Variants in MBD5 observed in about 807,000 individuals in gnomAD.
MBD5 encodes methyl-CpG-binding domain protein 5.
Under a neutral mutation model 117.3 loss-of-function variants are expected in MBD5, and 13 were observed. The ratio of observed to expected loss-of-function variants is 0.11; its 90% confidence interval spans 0.07 to 0.18. MBD5 has a LOEUF of 0.18. Ranked by LOEUF, MBD5 falls within the 10% of genes least tolerant of loss-of-function variation. The pLI is 1.00. For missense variants in MBD5, 1,879 were observed against 2,093.8 expected, an observed-to-expected ratio of 0.90 and a Z score of 2.00; for synonymous variants, 727 against 766.4, an observed-to-expected ratio of 0.95 and a Z score of 0.85.
intron 8 of MBD5, among the ~76,000 whole-genome samples, chr2:148,477,713 A>G (rs1303892623): frequency 6.6e-6 from 1 of 152,194 alleles, no homozygotes; most frequent in Non-Finnish European, 1.5e-5. Flanking sequence ...TCTCTTATCT[A>G]CATGCATCCA....
At chr2:148,174,839 A>C (rs960828332) in intron 1 of MBD5, among the ~76,000 whole-genome samples, 1 of 152,136 alleles carries the variant, frequency 6.6e-6, no homozygotes, top group Non-Finnish European at 1.5e-5. Context: ...GAAAAGGAAA[A>C]CTTTGTACAC....
intron 2 of MBD5, among the ~76,000 whole-genome samples, chr2:148,185,269 A>G (rs900347750): frequency 6.6e-6 from 1 of 151,772 alleles, no homozygotes; most frequent in Non-Finnish European, 1.5e-5. Context: ...TTTTCACCCC[A>G]CTTTCTTCCC....
intron 4 of MBD5, among the ~76,000 whole-genome samples, chr2:148,355,513 C>T (rs959073376): frequency 6.6e-6 from 1 of 152,088 alleles, no homozygotes; most frequent in Non-Finnish European, 1.5e-5. Flanking sequence ...AGCCAGTTTT[C>T]CCAACAGCAT....
chr2:148,037,279 A>C (rs1205869646), intron 1 of MBD5, among the ~76,000 whole-genome samples: 3 of 151,940 alleles, frequency 2.0e-5, no homozygotes, highest in African/African-American at 4.8e-5. Flanking sequence ...TTTCATATGA[A>C]ATAATGCTTA....
At chr2:148,478,091 A>G (rs572966093) in intron 8 of MBD5, among the ~76,000 whole-genome samples, 235 of 152,322 alleles carry the variant, frequency 1.5e-3, no homozygotes, top group Non-Finnish European at 2.2e-3. Context: ...ATGACCAGGA[A>G]GAAGAGAAAC....
intron 1 of MBD5, among the ~76,000 whole-genome samples, chr2:148,084,989 A>G (rs543391728): frequency 1.6e-4 from 24 of 152,352 alleles, no homozygotes; most frequent in African/African-American, 2.6e-4. Flanking sequence ...GAGATAGAAA[A>G]TGTCACCAAA....
chr2:148,138,850 T>C (rs1029636189), intron 1 of MBD5, among the ~76,000 whole-genome samples: 6 of 152,130 alleles, frequency 3.9e-5, no homozygotes, highest in Admixed American at 3.3e-4. Flanking sequence ...GGGGTTTGAA[T>C]TTTAAAAAGT....
chr2:148,375,919 G>T (rs969510555), intron 4 of MBD5, among the ~76,000 whole-genome samples: 5 of 151,976 alleles, frequency 3.3e-5, no homozygotes, highest in Non-Finnish European at 5.9e-5. Flanking sequence ...AAAGGGAGAA[G>T]CACATCTGGG....
At chr2:148,212,772 G>A (rs1699457753) in intron 2 of MBD5, among the ~76,000 whole-genome samples, 2 of 151,776 alleles carry the variant, frequency 1.3e-5, no homozygotes. Context: ...AAAATTTTTA[G>A]CATATTCATT....
intron 1 of MBD5, among the ~76,000 whole-genome samples, chr2:148,162,277 C>T (rs115705221): frequency 1.3e-5 from 2 of 152,292 alleles, no homozygotes; most frequent in African/African-American, 4.8e-5. Flanking sequence ...GCCTTCCCTT[C>T]TGTTATCATG....
intron 1 of MBD5, among the ~76,000 whole-genome samples, chr2:148,080,205 A>C (rs1695615985): frequency 6.6e-6 from 1 of 152,200 alleles, no homozygotes; most frequent in Non-Finnish European, 1.5e-5. Context: ...GCAGGCATTC[A>C]TGTACTGAAT....
At chr2:148,164,581 A>G (rs1252552971) in intron 1 of MBD5, among the ~76,000 whole-genome samples, 3 of 152,250 alleles carry the variant, frequency 2.0e-5, no homozygotes, top group Non-Finnish European at 4.4e-5. Context: ...GAAAAAATTT[A>G]AAGACCATAT....
At chr2:148,512,201 G>T (rs1216945223) in intron 13 of MBD5, 1 of 158,378 alleles carries the variant, frequency 6.3e-6, no homozygotes, top group East Asian at 1.8e-4. Context: ...CTCAGCCACT[G>T]CTCAATCTGA....
At chr2:148,437,051 C>T (rs1032281492) in intron 4 of MBD5, among the ~76,000 whole-genome samples, 3 of 151,940 alleles carry the variant, frequency 2.0e-5, no homozygotes, top group South Asian at 2.1e-4. Context: ...GGCACGATCT[C>T]GGCTCACTGC....
At chr2:148,464,368 C>A (rs903965503) in intron 7 of MBD5, among the ~76,000 whole-genome samples, 1 of 152,136 alleles carries the variant, frequency 6.6e-6, no homozygotes, top group Non-Finnish European at 1.5e-5. Context: ...CACCACCACA[C>A]ACACGCATGC....
rs140452331 is a variant in MBD5, at chr2:148,128,504, C to T, written c.-924-50196C>T. On this transcript the variant is annotated intron_variant, in intron 1 of 13. Coordinates refer to ENST00000642680, the MANE Select transcript of MBD5 (RefSeq NM_001378120.1). ...GTCTTAAGTTTCTTTGTGGGACTGT[C>T]CTTTTTTGTTCATACCACATTTCTA... Among the ~76,000 whole-genome samples the T allele has an allele frequency of 8.5e-4, 130 of 152,200 alleles. 1 individual carries two copies. The Middle Eastern group carries it at 0.017, about 20-fold the overall frequency.
At chr2:148,493,753 A>G (rs889267555) in intron 11 of MBD5, among the ~76,000 whole-genome samples, 2 of 152,220 alleles carry the variant, frequency 1.3e-5, no homozygotes, top group African/African-American at 4.8e-5. Context: ...GATTATTGAT[A>G]TGCATTAGTC....
chr2:148,184,211 CTG>C (rs1698597678), intron 2 of MBD5, among the ~76,000 whole-genome samples: 1 of 152,060 alleles, frequency 6.6e-6, no homozygotes, highest in Admixed American at 6.6e-5. Flanking sequence ...TGGGGTTTCA[CTG>C]TGTTAGCCAG....
chr2:148,155,228 T>G lies in MBD5; in HGVS notation c.-924-23472T>G, dbSNP rs143188435. ...GAAGTCATCACTGAAAAGTTACCAT[T>G]TAAGCAAAGATCTGAGGAGGTGATA... On this transcript the variant is annotated intron_variant, in intron 1 of 13. Coordinates refer to ENST00000642680, the MANE Select transcript of MBD5 (RefSeq NM_001378120.1). Among the ~76,000 whole-genome samples, 748 of 152,214 alleles carry G rather than the reference T, an allele frequency of 4.9e-3. 8 individuals carry two copies. The highest frequency in any genetic ancestry group is 0.017 in the African/African-American group (725 of 41,536).
Sources: gnomAD v4.1 joint callset for allele counts (sites outside exome capture counted in the v4.1 genomes callset) on GRCh38, gnomAD v4.1.1 for gene constraint, MANE v1.5 for transcripts, NCBI Gene and HGNC (gene_info 2026-07-23, HGNC 2026-07-21) for gene names.